ECPAS: variants seen among roughly 807,000 people sequenced by gnomAD.
The protein encoded by ECPAS is Ecm29 proteasome adaptor and scaffold, also known as proteasome adapter and scaffold protein ECM29.
A neutral mutation model predicts 255.1 loss-of-function variants in ECPAS; 70 were observed. The ratio of observed to expected loss-of-function variants is 0.27; its 90% CI spans 0.23 to 0.33. ECPAS has a LOEUF of 0.33. Among genes scored for constraint, ECPAS ranks in the 10% least tolerant of loss-of-function variants. The pLI is 1.00. For missense variants in ECPAS, 1,817 were observed against 2,206.4 expected, an observed-to-expected ratio of 0.82 and a Z score of 3.54; for synonymous variants, 784 against 775.0, an observed-to-expected ratio of 1.01 and a Z score of -0.19.
chr9:111,369,742 TG>T lies in ECPAS; in HGVS notation c.4975-570del, dbSNP rs869103373. On this transcript the variant is annotated intron_variant, in intron 45 of 49. Coordinates refer to ENST00000684092, the MANE Select transcript of ECPAS (RefSeq NM_001364929.1). ...AACAGGGAAACCACACCCTTTTTTT[TG>T]GGGGGGGGACCAGTGCCCAACTTTT... is the stretch of plus-strand genomic sequence containing the variant. Among the ~76,000 whole-genome samples, 99 of 151,316 alleles carry T rather than the reference TG, an allele frequency of 6.5e-4. No individual in the cohort carries two copies. The South Asian group carries it at 8.4e-3, about 13-fold the overall frequency.
chr9:111,394,196 G>A lies in ECPAS; in HGVS notation c.2886C>T (p.Ser962=). ...VRQAACIWLL[S]LVRKLSTHKE... is the part of the protein sequence containing the mutation. ...TGTGGGTACTTAGCTTCCTGACAAG[G>A]GAAAGGAGCCAGATGCAGGCTGCTT... Residue 962 remains serine, a synonymous_variant, in exon 26 of 50, where the codon TCC becomes TCT. Coordinates refer to ENST00000684092, the MANE Select transcript of ECPAS (RefSeq NM_001364929.1). The A allele has an allele frequency of 6.2e-7, 1 of 1,608,890 alleles. No individual in the cohort carries two copies. Among genetic ancestry groups the A allele is most frequent in the Non-Finnish European group, 8.5e-7 (1 of 1,177,478 alleles).
chr9:111,436,878 T>C (rs1402763924), intron 7 of ECPAS, 62 bp downstream of exon 7: 5 of 1,400,136 alleles, frequency 3.6e-6, no homozygotes, highest in East Asian at 4.8e-5. Context: ...ATACGGTTCA[T>C]GAACTTCATA....
At chr9:111,405,360 C>A (rs2098182428) in intron 24 of ECPAS, among the ~76,000 whole-genome samples, 1 of 149,662 alleles carries the variant, frequency 6.7e-6, no homozygotes, top group Non-Finnish European at 1.5e-5. Context: ...TAGATATCCA[C>A]ATGTAGAATA....
Position 111,385,349 on chromosome 9 carries a change from T to C in ECPAS, c.3621A>G (p.Gln1207=). The C allele has an allele frequency of 1.3e-6, 2 of 1,485,418 alleles. No homozygotes were observed. 92.0% of individuals were successfully genotyped at this position (1,485,418 alleles called of 1,614,324 possible). Residue 1207 remains glutamine, a synonymous_variant, in exon 33 of 50, where the codon CAA becomes CAG. Coordinates refer to ENST00000684092, the MANE Select transcript of ECPAS (RefSeq NM_001364929.1). ...PEIWETLFRV[Q]DDIKESVRKA... The stretch of plus-strand genomic sequence containing the variant: ...ATTTCTATAATACCTTGATATCATC[T>C]TGTACTCTAAAAAGCGTTTCCCAAA...
At chr9:111,481,118 A>G (rs2098304276) in intron 1 of ECPAS, among the ~76,000 whole-genome samples, 1 of 152,242 alleles carries the variant, frequency 6.6e-6, no homozygotes, top group Non-Finnish European at 1.5e-5. Context: ...CTGACAATAT[A>G]GATAAGTGTC....
At position 111,413,883 on chromosome 9, in the gene ECPAS, T is replaced by C. The variant is rs60943638; in HGVS notation, c.2079+12A>G. ...AGAATTTTTTTTAAAAAAAGGTACA[T>C]GCAGAACATACCTTTATCCATTCTG... On this transcript the variant is annotated intron_variant, in intron 20 of 49. Coordinates refer to ENST00000684092, the MANE Select transcript of ECPAS (RefSeq NM_001364929.1). 0.02 allele frequency: 29,786 copies of C among 1,506,822 alleles called. 960 individuals carry two copies. The highest frequency in any genetic ancestry group is 0.12 in the East Asian group (4,949 of 41,768). The allele number at this position is 1,506,822 out of a possible 1,614,324, so 93.3% of individuals were successfully genotyped here.
intron 29 of ECPAS, among the ~76,000 whole-genome samples, chr9:111,391,555 T>C (rs1056935135): frequency 2.7e-5 from 4 of 147,436 alleles, no homozygotes; most frequent in Non-Finnish European, 4.5e-5. Flanking sequence ...CACTCCAGCC[T>C]AGGCAACAAA....
Position 111,362,021 on chromosome 9 carries a change from C to T in ECPAS, c.*9G>A, listed in dbSNP as rs748053992. On this transcript the variant is annotated 3_prime_UTR_variant, in exon 50 of 50. Coordinates refer to ENST00000684092, the MANE Select transcript of ECPAS (RefSeq NM_001364929.1). ...AACATGGCACTTGTTTGTTTCTTCCCCTTCTAATTTATTCCAGATTTTCAA... is the reference window on the plus strand; with the variant it reads ...AACATGGCACTTGTTTGTTTCTTCCTCTTCTAATTTATTCCAGATTTTCAA... The T allele has an allele frequency of 4.3e-6, 7 of 1,610,062 alleles. No homozygotes were observed. The highest frequency in any genetic ancestry group is 1.7e-5 in the Admixed American group (1 of 59,442).
At chr9:111,369,878 T>G (rs755383861) in intron 45 of ECPAS, among the ~76,000 whole-genome samples, 11 of 152,154 alleles carry the variant, frequency 7.2e-5, no homozygotes, top group Non-Finnish European at 1.3e-4. Context: ...TTGCCTTTAC[T>G]CTAGGATGGC....
chr9:111,366,146 T>C, intron 48 of ECPAS, 93 bp downstream of exon 48: 1 of 797,344 alleles, frequency 1.3e-6, no homozygotes. Context: ...TTTCAGAAAT[T>C]TAGTTCCTAA....
intron 2 of ECPAS, among the ~76,000 whole-genome samples, chr9:111,453,656 G>C (rs2098263237): frequency 6.6e-6 from 1 of 152,158 alleles, no homozygotes; most frequent in Admixed American, 6.5e-5. Context: ...ACCTCATGAT[G>C]TCGTGCAGAT....
At chr9:111,367,139 A>T (rs1043255347) in intron 46 of ECPAS, among the ~76,000 whole-genome samples, 1 of 152,244 alleles carries the variant, frequency 6.6e-6, no homozygotes, top group African/African-American at 2.4e-5. Flanking sequence ...AACTGTAATT[A>T]TAACTATATA....
chr9:111,363,558 G>A (rs1233600026), intron 49 of ECPAS, 30 bp downstream of exon 49: 1 of 1,351,854 alleles, frequency 7.4e-7, no homozygotes. Flanking sequence ...TGGCTTTATG[G>A]TCCCCCAGTC....
In ECPAS at chr9:111,407,420, A is replaced by AG. The variant is rs2098186234; in HGVS notation, c.2652+1150_2652+1151insC. 1.9e-4 allele frequency among the ~76,000 whole-genome samples: 24 copies of AG among 127,826 alleles called. 1 individual carries two copies. The highest frequency in any genetic ancestry group is 3.8e-3 in the Middle Eastern group (1 of 260). 83.9% of individuals were successfully genotyped at this position (127,826 alleles called of 152,430 possible). A position where few individuals can be genotyped will look rare whatever the true frequency, so the allele number is the denominator to read the frequency against. ...CCATCTCAGAAAAAAAAAAAAAAAA[A>AG]AAAAAAAAAAAAAAAAAACCTAGAA... is the stretch of plus-strand genomic sequence containing the variant. On this transcript the variant is annotated intron_variant, in intron 24 of 49. Transcript: ENST00000684092.
chr9:111,453,934 G>A (rs922196723), intron 2 of ECPAS, among the ~76,000 whole-genome samples: 14 of 151,732 alleles, frequency 9.2e-5, no homozygotes, highest in African/African-American at 3.1e-4. Context: ...GGGGAAAAAA[G>A]GACATTAATG....
intron 7 of ECPAS, among the ~76,000 whole-genome samples, chr9:111,434,018 T>A (rs188954369): frequency 6.6e-6 from 1 of 152,368 alleles, no homozygotes; most frequent in East Asian, 1.9e-4. Context: ...GAAGATGCTA[T>A]GAATTTCACT....
At chr9:111,382,040 C>G (rs889875633) in intron 35 of ECPAS, among the ~76,000 whole-genome samples, 1 of 143,036 alleles carries the variant, frequency 7.0e-6, no homozygotes, top group Non-Finnish European at 1.5e-5. Context: ...CACACACACA[C>G]AAAGAATCCT....
At chr9:111,473,732 C>T (rs768528158) in intron 1 of ECPAS, among the ~76,000 whole-genome samples, 1 of 152,136 alleles carries the variant, frequency 6.6e-6, no homozygotes. Context: ...TCTGAGAGGC[C>T]GAGGAGGGCA....
At chr9:111,431,271 G>A (rs118040902) in intron 8 of ECPAS, among the ~76,000 whole-genome samples, 1 of 152,178 alleles carries the variant, frequency 6.6e-6, no homozygotes, top group East Asian at 1.9e-4. Context: ...AAGGTGATTG[G>A]TGACAGCTGG....
Sources: allele counts gnomAD v4.1 joint callset (sites outside exome capture counted in the v4.1 genomes callset), GRCh38; gene constraint gnomAD v4.1.1; transcripts MANE v1.5; gene names NCBI Gene and HGNC (gene_info 2026-07-23, HGNC 2026-07-21).